The following ZC3H7A variants were observed in gnomAD, a reference collection of about 807,000 sequenced individuals.
ZC3H7A encodes zinc finger CCCH-type containing 7A.
In ZC3H7A, 44 loss-of-function variants were observed where a neutral mutation model predicts 125.5. That is an observed-to-expected ratio of 0.35 (90% CI 0.28 to 0.45). The LOEUF (loss-of-function observed/expected upper bound fraction) is 0.45, where lower values mean the gene tolerates loss of function less well. Ranked by LOEUF, ZC3H7A falls within the 20% of genes least tolerant of loss-of-function variation. ZC3H7A has a pLI of 1.00. For missense variants in ZC3H7A, 977 were observed against 1,170.7 expected (o/e 0.83, Z 2.41); for synonymous variants, 399 against 391.2 (o/e 1.02, Z -0.23).
rs139825983 is a variant in ZC3H7A, at chr16:11,756,294, C to G, written c.2505G>C (p.Gln835His). Residue 835 changes from glutamine to histidine, a missense_variant, in exon 21 of 23, where the codon CAG becomes CAC. Transcript: ENST00000355758. ...KNEKSEDIASQSNKENGKQIH... is the reference protein window; with the variant it reads ...KNEKSEDIASHSNKENGKQIH... ...TTTGTTTTCCATTTTCCTTGTTTGA[C>G]TGACTGGCTATGTCTTCACTTTTTT... The G allele has an allele frequency of 9.4e-3, 15,242 of 1,614,008 alleles. 109 individuals carry two copies. The highest frequency in any genetic ancestry group is 0.011 in the Non-Finnish European group (12,923 of 1,179,960).
intron 2 of ZC3H7A, 43 bp downstream of exon 2, chr16:11,782,241 AAAG>A: frequency 6.2e-7 from 1 of 1,609,292 alleles, no homozygotes; most frequent in East Asian, 2.2e-5. Flanking sequence ...CATCCACACC[AAAG>A]AATTAGGACG....
intron 13 of ZC3H7A, among the ~76,000 whole-genome samples, chr16:11,766,807 C>G (rs1269589387): frequency 2.0e-5 from 3 of 149,434 alleles, no homozygotes; most frequent in Non-Finnish European, 3.0e-5. Context: ...CACTTGAACC[C>G]AGAAGGCAGA....
chr16:11,756,254 C>G lies in ZC3H7A; in HGVS notation c.2545G>C (p.Asp849His). Residue 849 changes from aspartate to histidine, a missense_variant, in exon 21 of 23, where the codon GAT becomes CAT. Around this residue, in one of 3 missense-constraint regions of ZC3H7A, gnomAD observed 436 missense variants for 603.2 expected, o/e 0.72. Transcript: ENST00000355758. Reference protein sequence around the residue: ...ENGKQIHMPTDYAEVTVDFHC... With the variant: ...ENGKQIHMPTHYAEVTVDFHC... ...GTACTCACTGTAACTTCAGCATAAT[C>G]TGTTGGCATGTGAATTTGTTTTCCA... is the stretch of plus-strand genomic sequence containing the variant. The G allele has an allele frequency of 6.2e-7, 1 of 1,613,938 alleles. No homozygotes were observed. The highest frequency in any genetic ancestry group is 8.5e-7 in the Non-Finnish European group (1 of 1,179,946).
chr16:11,774,234 A>G lies in ZC3H7A; in HGVS notation c.903+2T>C. 1 of 1,573,230 alleles carries G rather than the reference A, an allele frequency of 6.4e-7. No homozygotes were observed. The highest frequency in any genetic ancestry group is 8.6e-7 in the Non-Finnish European group (1 of 1,156,210). On this transcript the variant is annotated splice_donor_variant, in intron 9 of 22. Transcript: ENST00000355758. LOFTEE classifies it high-confidence loss of function. ...AGAAACTTGAGTAACACTGAAACTT[A>G]CCATAACAGTTTCATTAGTTTCAGG...
At chr16:11,791,636 G>A (rs1267820722) in intron 1 of ZC3H7A, among the ~76,000 whole-genome samples, 3 of 152,234 alleles carry the variant, frequency 2.0e-5, no homozygotes, top group Non-Finnish European at 2.9e-5. Context: ...CCAGGAGATA[G>A]AAGCTGGTAA....
chr16:11,770,038 C>A (rs770475325), intron 10 of ZC3H7A, among the ~76,000 whole-genome samples: 1 of 151,840 alleles, frequency 6.6e-6, no homozygotes, highest in African/African-American at 2.4e-5. Context: ...CCTCCTGACT[C>A]GGCCTCCCAA....
At chr16:11,795,820 ATTTG>A (rs1567400370) in intron 1 of ZC3H7A, among the ~76,000 whole-genome samples, 2 of 152,054 alleles carry the variant, frequency 1.3e-5, no homozygotes, top group African/African-American at 2.4e-5. Flanking sequence ...TTGTTTTTTT[ATTTG>A]TTTGTTTTGA....
chr16:11,795,365 G>A (rs1356880949), intron 1 of ZC3H7A, among the ~76,000 whole-genome samples: 1 of 152,188 alleles, frequency 6.6e-6, no homozygotes, highest in Non-Finnish European at 1.5e-5. Context: ...CCAGCTGCGC[G>A]CTGTCCAGTC....
chr16:11,795,777 A>G (rs1440480620), intron 1 of ZC3H7A, among the ~76,000 whole-genome samples: 2 of 152,154 alleles, frequency 1.3e-5, no homozygotes, highest in Non-Finnish European at 2.9e-5. Flanking sequence ...CCACACTAAA[A>G]AAAGAGAAAA....
chr16:11,763,522 T>C lies in ZC3H7A; in HGVS notation c.1958A>G (p.His653Arg), dbSNP rs1415450665. 1 of 1,609,392 alleles carries C rather than the reference T, an allele frequency of 6.2e-7. No individual in the cohort carries two copies. Among genetic ancestry groups the C allele is most frequent in the Non-Finnish European group, 8.5e-7 (1 of 1,177,566 alleles). The change falls in exon 16 of 23, where the codon CAT becomes CGT. Residue 653 changes from histidine to arginine, a missense_variant. Physicochemically the swap from His to Arg is conservative, Grantham distance 29. Transcript: ENST00000355758. ...CCAGACTTTCAGTTCCACAAGACTA[T>C]GGGCATAAAAGCACTCATCTTCCCT... ...CLREDECFYA[H>R]SLVELKVWIM...
chr16:11,790,184 A>C lies in ZC3H7A; in HGVS notation c.-35+6940T>G, dbSNP rs1255470146. On this transcript the variant is annotated intron_variant, in intron 1 of 22. Coordinates refer to ENST00000355758, the MANE Select transcript of ZC3H7A (RefSeq NM_014153.4). ...AATACACCAAATGATTCTCCCACCA[A>C]CAATGCAGAGGATTCCTGGTTCCCC... is the stretch of plus-strand genomic sequence containing the variant. 2.0e-5 allele frequency among the ~76,000 whole-genome samples: 3 copies of C among 152,142 alleles called. No homozygotes were observed. The East Asian group carries it at 5.8e-4, about 29-fold the overall frequency.
At chr16:11,783,982 AG>A (rs922374303) in intron 1 of ZC3H7A, among the ~76,000 whole-genome samples, 3 of 133,524 alleles carry the variant, frequency 2.2e-5, no homozygotes, top group Non-Finnish European at 4.9e-5. Flanking sequence ...ACAACAAAAA[AG>A]GGGGGGGCTG....
intron 4 of ZC3H7A, among the ~76,000 whole-genome samples, chr16:11,778,778 A>G (rs544931941): frequency 3.3e-5 from 5 of 152,226 alleles, no homozygotes; most frequent in Middle Eastern, 3.4e-3. Context: ...CAGTGGCACA[A>G]TCTCGGCTCA....
chr16:11,751,706 T>C (rs1420100644), intron 22 of ZC3H7A, among the ~76,000 whole-genome samples, 200 bp from the exon 23 acceptor site: 2 of 152,104 alleles, frequency 1.3e-5, no homozygotes, highest in South Asian at 2.1e-4. Context: ...ATATACTCTA[T>C]GAAAAGTACT....
At chr16:11,796,963 C>T (rs1178343501) in intron 1 of ZC3H7A, 161 bp downstream of exon 1, 2 of 148,518 alleles carry the variant, frequency 1.3e-5, no homozygotes, top group Non-Finnish European at 3.0e-5. Flanking sequence ...CTCTCAGGGT[C>T]CTCTCGGGTC....
chr16:11,766,836 T>C (rs761174545), intron 13 of ZC3H7A, among the ~76,000 whole-genome samples: 9 of 152,254 alleles, frequency 5.9e-5, no homozygotes, highest in South Asian at 2.1e-4. Context: ...TGAGCCGAGA[T>C]TGCGCCACTA....
At chr16:11,768,197 A>G (rs2052895118) in intron 12 of ZC3H7A, 118 bp downstream of exon 12, 1 of 1,041,152 alleles carries the variant, frequency 9.6e-7, no homozygotes, top group Non-Finnish European at 1.3e-6. Context: ...AGAATTCAAA[A>G]TAGGGATTGA....
intron 1 of ZC3H7A, among the ~76,000 whole-genome samples, chr16:11,792,017 C>G (rs919255653): frequency 6.6e-6 from 1 of 152,136 alleles, no homozygotes; most frequent in Admixed American, 6.6e-5. Context: ...GCTCAATCTT[C>G]CCATCTCAGC....
chr16:11,771,347 A>C (rs2052977855), intron 9 of ZC3H7A, among the ~76,000 whole-genome samples: 2 of 151,982 alleles, frequency 1.3e-5, no homozygotes, highest in South Asian at 4.2e-4. Flanking sequence ...AAGATCACGC[A>C]ATTGCACTAC....
Sources: gnomAD v4.1 joint callset for allele counts (sites outside exome capture counted in the v4.1 genomes callset) on GRCh38, gnomAD v4.1.1 for gene constraint, gnomAD v4.1.1 regional missense constraint, MANE v1.5 for transcripts, NCBI Gene and HGNC (gene_info 2026-07-23, HGNC 2026-07-21) for gene names.